Variants in ANKRD11 observed in about 807,000 individuals in gnomAD.
ANKRD11 encodes the protein ankyrin repeat domain-containing protein 11.
ANKRD11 carries 17 observed loss-of-function variants against 195.7 expected under a neutral mutation model. The ratio of observed to expected loss-of-function variants is 0.09; its 90% CI spans 0.06 to 0.13. ANKRD11 has a LOEUF of 0.13. ANKRD11 is among the 10% of genes least tolerant of loss of function. The probability of loss-of-function intolerance (pLI) is 1.00; values close to 1 mark genes in which losing one functional copy is unlikely to be tolerated. For missense variants in ANKRD11, 3,735 were observed against 3,566.1 expected (o/e 1.05, Z -1.21); for synonymous variants, 1,953 against 1,528.1 (o/e 1.28, Z -6.49).
At chr16:89,320,941 C>T (rs1470471078) in intron 2 of ANKRD11, among the ~76,000 whole-genome samples, 1 of 152,246 alleles carries the variant, frequency 6.6e-6, no homozygotes, top group Non-Finnish European at 1.5e-5. Context: ...GTGACAGGAA[C>T]AACGATGGCC....
intron 1 of ANKRD11, among the ~76,000 whole-genome samples, chr16:89,421,959 C>T (rs1385824658): frequency 2.0e-5 from 3 of 152,142 alleles, no homozygotes; most frequent in East Asian, 1.9e-4. Flanking sequence ...GCTAAGGAGT[C>T]GGCTACACGC....
intron 2 of ANKRD11, chr16:89,373,349 C>T (rs905248877): frequency 6.6e-6 from 1 of 152,316 alleles, no homozygotes; most frequent in African/African-American, 2.4e-5. Context: ...ATAACCCACA[C>T]AGTGATACAG....
intron 2 of ANKRD11, among the ~76,000 whole-genome samples, chr16:89,321,854 A>G (rs1490058188): frequency 6.6e-6 from 1 of 152,204 alleles, no homozygotes; most frequent in African/African-American, 2.4e-5. Flanking sequence ...CTCCTGAGAC[A>G]GCAAGACCCA....
At chr16:89,304,507 C>T (rs2036050388) in intron 4 of ANKRD11, among the ~76,000 whole-genome samples, 1 of 151,862 alleles carries the variant, frequency 6.6e-6, no homozygotes, top group African/African-American at 2.4e-5. Context: ...GGCACGCATA[C>T]ACAGGCACAC....
intron 2 of ANKRD11, among the ~76,000 whole-genome samples, chr16:89,320,772 T>A (rs1382453073): frequency 4.6e-5 from 7 of 152,226 alleles, no homozygotes; most frequent in Non-Finnish European, 1.0e-4. Context: ...GGACAGTGTC[T>A]GCGGCCAGCT....
intron 2 of ANKRD11, chr16:89,340,047 T>C (rs1940470961): frequency 6.6e-6 from 1 of 152,188 alleles, no homozygotes; most frequent in Admixed American, 6.5e-5. Context: ...AAAAATCCAT[T>C]CTCCTGTTGA....
At chr16:89,423,990 G>T (rs536127016) in intron 1 of ANKRD11, among the ~76,000 whole-genome samples, 1 of 152,214 alleles carries the variant, frequency 6.6e-6, no homozygotes, top group African/African-American at 2.4e-5. Context: ...GGCGTACAAC[G>T]GGATAATGAA....
At position 89,324,018 on chromosome 16, in the gene ANKRD11, C is replaced by A. The variant is rs150747208; in HGVS notation, c.-59-6940G>T. On this transcript the variant is annotated intron_variant, in intron 2 of 12. Transcript: ENST00000301030. Reference sequence around the variant, plus strand: ...ACCAAACCCCCAGTGTGCCCAGCTACTTTTTGTATTTTTGGTAGAGACAGG... The same window carrying A: ...ACCAAACCCCCAGTGTGCCCAGCTAATTTTTGTATTTTTGGTAGAGACAGG... The A allele has an allele frequency of 3.0e-3, 654 of 218,106 alleles. 6 individuals are homozygous for A. The highest frequency in any genetic ancestry group is 0.015 in the African/African-American group (630 of 42,230). 13.5% of individuals were successfully genotyped at this position (218,106 alleles called of 1,614,324 possible). A position where few individuals can be genotyped will look rare whatever the true frequency, so the allele number is the denominator to read the frequency against.
chr16:89,446,696 C>T (rs2043808379), intron 1 of ANKRD11, among the ~76,000 whole-genome samples: 1 of 152,192 alleles, frequency 6.6e-6, no homozygotes, highest in Non-Finnish European at 1.5e-5. Flanking sequence ...ATCCTTGTGG[C>T]AGGACCCTGG....
intron 2 of ANKRD11, among the ~76,000 whole-genome samples, chr16:89,417,866 G>C (rs1285543111): frequency 6.6e-6 from 1 of 152,090 alleles, no homozygotes; most frequent in African/African-American, 2.4e-5. Flanking sequence ...CTAACGAGCA[G>C]AACAGCTCCC....
rs757119978 is a variant in ANKRD11 at position 89,280,299 on chromosome 16, G to A, written c.6243C>T (p.Pro2081=). The A allele has an allele frequency of 5.6e-6, 9 of 1,596,684 alleles. No homozygotes were observed. In the Admixed American group the frequency reaches 6.9e-5, roughly 12 times the overall value. The stretch of plus-strand genomic sequence containing the variant: ...CCACAGCGGCTACACAGGCGGGCTC[G>A]GGGGCCACGTCCAGCGGGGCTTCCG... ...SLPEAPLDVA[P]EPACVAAVAQ... Residue 2081 remains proline, a synonymous_variant, in exon 9 of 13, where the codon CCC becomes CCT. Transcript: ENST00000301030.
intron 2 of ANKRD11, among the ~76,000 whole-genome samples, chr16:89,410,056 G>C (rs1276021558): frequency 1.3e-5 from 2 of 152,098 alleles, no homozygotes; most frequent in African/African-American, 4.8e-5. Flanking sequence ...AGCCAGGATG[G>C]TCTCGATCTC....
chr16:89,283,202 A>T lies in ANKRD11; in HGVS notation c.3340T>A (p.Tyr1114Asn), dbSNP rs1461435321. 1.9e-5 allele frequency: 30 copies of T among 1,613,940 alleles called. No homozygotes were observed. Among genetic ancestry groups the T allele is most frequent in the Non-Finnish European group, 2.5e-5 (29 of 1,180,016 alleles). ...DDKKGKEKSW[Y>N]IADIFTDESE... ...TCATCTGTGAAGATGTCTGCGATGTACCAGCTTTTCTCTTTGCCTTTCTTG... is the reference window on the plus strand; with the variant it reads ...TCATCTGTGAAGATGTCTGCGATGTTCCAGCTTTTCTCTTTGCCTTTCTTG... The change falls in exon 9 of 13, where the codon TAC becomes AAC. Residue 1114 changes from tyrosine to asparagine, a missense_variant. Tyr to Asn is a moderately radical substitution (Grantham distance 143). Coordinates refer to ENST00000301030, the MANE Select transcript of ANKRD11 (RefSeq NM_013275.6). The surrounding 1 kb of genome is among the most constrained non-coding windows in gnomAD (Gnocchi z 4.3).
At chr16:89,342,713 C>A (rs1314150944) in intron 2 of ANKRD11, among the ~76,000 whole-genome samples, 1 of 152,196 alleles carries the variant, frequency 6.6e-6, no homozygotes, top group Non-Finnish European at 1.5e-5. Context: ...ATGGGCCCTA[C>A]AGAATTACTT....
chr16:89,483,227 TCTC>T lies in ANKRD11; in HGVS notation c.-145+7015_-145+7017del, dbSNP rs1197027893. ...ACAGATTAAGTTCTAAGACAGATTT[TCTC>T]CTCAACTCTCTAAAACTTCACCGTA... On this transcript the variant is annotated intron_variant, in intron 1 of 12. Coordinates refer to ENST00000301030, the MANE Select transcript of ANKRD11 (RefSeq NM_013275.6). Among the ~76,000 whole-genome samples, 10 of 152,328 alleles carry T rather than the reference TCTC, an allele frequency of 6.6e-5. No individual in the cohort carries two copies. In the East Asian group the frequency reaches 1.9e-3, roughly 29 times the overall value.
At chr16:89,424,030 C>G (rs541517408) in intron 1 of ANKRD11, among the ~76,000 whole-genome samples, 229 of 152,156 alleles carry the variant, frequency 1.5e-3, no homozygotes, top group African/African-American at 5.4e-3. Context: ...AGATTGTAAC[C>G]CCATAGTACT....
In ANKRD11 at chr16:89,281,382, G is replaced by A. The variant is rs1035902808; in HGVS notation, c.5160C>T (p.His1720=). ...CGCTGCAGGACGGGGTCCTGGGCGT[G>A]TGCATCACCTCCTCGTAGCTGGGGC... ...LSCPSYEEVM[H]TPRTPSCSAD... The change falls in exon 9 of 13, where the codon CAC becomes CAT. Residue 1720 remains histidine, a synonymous_variant. Coordinates refer to ENST00000301030, the MANE Select transcript of ANKRD11 (RefSeq NM_013275.6). This position sits in a 1 kb window ranked among gnomAD's most constrained non-coding sequence, Gnocchi z 5.5. 1 of 1,609,464 alleles carries A rather than the reference G, an allele frequency of 6.2e-7. No homozygotes were observed. Among genetic ancestry groups the A allele is most frequent in the Non-Finnish European group, 8.5e-7 (1 of 1,176,488 alleles).
In ANKRD11 at chr16:89,422,951, T is replaced by C. The variant is rs900161796; in HGVS notation, c.-144-4583A>G. Among the ~76,000 whole-genome samples, 107 of 152,338 alleles carry C rather than the reference T, an allele frequency of 7.0e-4. 1 individual carries two copies. The highest frequency in any genetic ancestry group is 3.9e-4 in the East Asian group (2 of 5,192). On this transcript the variant is annotated intron_variant, in intron 1 of 12. Transcript: ENST00000301030. ...AATCAGGAGATCTACAACTGCTTGC[T>C]AACCATAGTCTTCAATCCGCTAAGA...
chr16:89,371,308 A>AAATAAAG (rs920899291), intron 2 of ANKRD11, among the ~76,000 whole-genome samples: 1 of 152,214 alleles, frequency 6.6e-6, no homozygotes, highest in Non-Finnish European at 1.5e-5. Flanking sequence ...GAACAGAAAC[A>AAATAAAG]AATAAAGAAT....
Sources: allele counts gnomAD v4.1 joint callset (sites outside exome capture counted in the v4.1 genomes callset), GRCh38; gene constraint gnomAD v4.1.1; non-coding constraint Gnocchi (gnomAD v3.1); transcripts MANE v1.5; gene names NCBI Gene and HGNC (gene_info 2026-07-23, HGNC 2026-07-21).